Variants in MACROD2 observed in about 807,000 individuals in gnomAD.
The protein encoded by MACROD2 is ADP-ribose glycohydrolase MACROD2.
Under a neutral mutation model 70.4 loss-of-function variants are expected in MACROD2, and 36 were observed. The observed-to-expected ratio is 0.51, with a 90% CI of 0.39 to 0.68. The LOEUF (loss-of-function observed/expected upper bound fraction) is 0.68, where lower values mean the gene tolerates loss of function less well. Ranked by LOEUF, MACROD2 falls within the 30% of genes least tolerant of loss-of-function variation. MACROD2 has a pLI of 0.00. For missense variants in MACROD2, 496 were observed against 538.4 expected (o/e 0.92, Z 0.78); for synonymous variants, 172 against 178.8 (o/e 0.96, Z 0.30).
chr20:14,307,054 T>G (rs932571506), intron 3 of MACROD2, among the ~76,000 whole-genome samples: 2 of 150,196 alleles, frequency 1.3e-5, no homozygotes, highest in African/African-American at 4.9e-5. Flanking sequence ...CACAATTGAC[T>G]GTTGAGAAGA....
chr20:14,128,022 C>A, intron 3 of MACROD2: 1 of 553,970 alleles, frequency 1.8e-6, no homozygotes, highest in Non-Finnish European at 3.6e-6. Flanking sequence ...TGAACAGATG[C>A]AAAATCAGAT....
intron 5 of MACROD2, among the ~76,000 whole-genome samples, chr20:15,044,018 G>A (rs530382788): frequency 6.6e-6 from 1 of 152,104 alleles, no homozygotes; most frequent in Non-Finnish European, 1.5e-5. Flanking sequence ...ATTGTGTAGG[G>A]TTTTTATGGA....
chr20:15,669,502 T>A (rs2146833457), intron 8 of MACROD2, among the ~76,000 whole-genome samples: 2 of 152,302 alleles, frequency 1.3e-5, no homozygotes, highest in South Asian at 4.1e-4. Flanking sequence ...AGTAACCACA[T>A]CACTCCCCCC....
At position 14,900,907 on chromosome 20, in the gene MACROD2, A is replaced by G. The variant is rs1003091701; in HGVS notation, c.418+215948A>G. ...ATTTTCTTTGTGGATGTGCTCTGAA[A>G]TACTAGAAAATTGAAACCAATTCTA... On this transcript the variant is annotated intron_variant, in intron 5 of 17. Coordinates refer to ENST00000684519, the MANE Select transcript of MACROD2 (RefSeq NM_001351661.2). Among the ~76,000 whole-genome samples the G allele has an allele frequency of 3.9e-5, 6 of 151,956 alleles. No homozygotes were observed. In the East Asian group the frequency reaches 9.6e-4, roughly 24 times the overall value.
intron 2 of MACROD2, among the ~76,000 whole-genome samples, chr20:14,050,438 AT>A (rs1287356102): frequency 6.6e-6 from 1 of 152,204 alleles, no homozygotes; most frequent in Non-Finnish European, 1.5e-5. Flanking sequence ...GCTGCTTGAT[AT>A]GTTTTGCCCG....
At chr20:14,766,780 C>A (rs1283299151) in intron 5 of MACROD2, among the ~76,000 whole-genome samples, 1 of 152,198 alleles carries the variant, frequency 6.6e-6, no homozygotes, top group South Asian at 2.1e-4. Context: ...ATTTATCAGT[C>A]CAGGTAAGGA....
At chr20:15,064,550 C>T (rs1354614239) in intron 5 of MACROD2, among the ~76,000 whole-genome samples, 1 of 152,196 alleles carries the variant, frequency 6.6e-6, no homozygotes, top group Non-Finnish European at 1.5e-5. Context: ...ACTCTTCATT[C>T]ATTCAGGTAA....
At chr20:14,466,753 G>A (rs983065359) in intron 3 of MACROD2, among the ~76,000 whole-genome samples, 3 of 152,112 alleles carry the variant, frequency 2.0e-5, no homozygotes, top group African/African-American at 4.8e-5. Context: ...CCTTCTAACA[G>A]TCAGGACCCT....
At chr20:15,853,013 A>AAAT (rs1223570778) in intron 8 of MACROD2, among the ~76,000 whole-genome samples, 1 of 152,014 alleles carries the variant, frequency 6.6e-6, no homozygotes, top group Non-Finnish European at 1.5e-5. Context: ...TCTATCTCTA[A>AAAT]AATAATAATA....
At chr20:15,049,858 G>A (rs1273957492) in intron 5 of MACROD2, among the ~76,000 whole-genome samples, 1 of 151,580 alleles carries the variant, frequency 6.6e-6, no homozygotes, top group African/African-American at 2.4e-5. Context: ...AGAGGCAGGA[G>A]AATCGCTTGA....
In MACROD2 at chr20:15,616,183, G is replaced by A. The variant is rs188121496; in HGVS notation, c.645+116336G>A. Among the ~76,000 whole-genome samples, 11 of 144,190 alleles carry A rather than the reference G, an allele frequency of 7.6e-5. No individual in the cohort carries two copies. The East Asian group carries it at 1.1e-3, about 14-fold the overall frequency. 94.6% of individuals were successfully genotyped at this position (144,190 alleles called of 152,430 possible). A position where few individuals can be genotyped will look rare whatever the true frequency, so the allele number is the denominator to read the frequency against. ...CAGTGGTGTGATCTCGGCCCACTGCGCCCTCTGTCTCCTGGGTTCAAGTGA... is the reference window on the plus strand; with the variant it reads ...CAGTGGTGTGATCTCGGCCCACTGCACCCTCTGTCTCCTGGGTTCAAGTGA... On this transcript the variant is annotated intron_variant, in intron 8 of 17. Coordinates refer to ENST00000684519, the MANE Select transcript of MACROD2 (RefSeq NM_001351661.2).
chr20:15,586,907 T>C (rs2048610517), intron 8 of MACROD2, among the ~76,000 whole-genome samples: 1 of 152,132 alleles, frequency 6.6e-6, no homozygotes, highest in African/African-American at 2.4e-5. Context: ...ATAAAAAATC[T>C]TAAAAATATC....
intron 5 of MACROD2, among the ~76,000 whole-genome samples, chr20:15,195,769 A>G (rs868026934): frequency 6.6e-6 from 1 of 152,218 alleles, no homozygotes; most frequent in African/African-American, 2.4e-5. Flanking sequence ...TATTATAAAG[A>G]TGCATGCATG....
chr20:14,199,255 TGTACGTCG>T (rs2081459136), intron 3 of MACROD2, among the ~76,000 whole-genome samples: 1 of 152,258 alleles, frequency 6.6e-6, no homozygotes, highest in African/African-American at 2.4e-5. Flanking sequence ...TTGTCTTTGT[TGTACGTCG>T]GTGAGTGACA....
At chr20:15,743,803 C>T (rs535340997) in intron 8 of MACROD2, among the ~76,000 whole-genome samples, 87 of 152,316 alleles carry the variant, frequency 5.7e-4, no homozygotes, top group African/African-American at 2.0e-3. Context: ...ATCCACTCAG[C>T]ACAACTCACT....
chr20:15,871,194 T>A (rs201992180), intron 9 of MACROD2, among the ~76,000 whole-genome samples: 8,426 of 128,418 alleles, frequency 0.066, 456 homozygotes, highest in East Asian at 0.26. Flanking sequence ...AAAAAAAAAA[T>A]TATAAAATTA....
chr20:14,512,564 T>A (rs2068756), intron 4 of MACROD2, among the ~76,000 whole-genome samples: 24,243 of 152,122 alleles, frequency 0.16, 2,198 homozygotes, highest in Non-Finnish European at 0.2. Flanking sequence ...GAATGAGACC[T>A]CGCTGCCCAG....
chr20:14,233,665 C>T (rs1245930996), intron 3 of MACROD2, among the ~76,000 whole-genome samples: 1 of 143,356 alleles, frequency 7.0e-6, no homozygotes, highest in Non-Finnish European at 1.5e-5. Flanking sequence ...CCACTGCACT[C>T]CCGCCTGGGC....
intron 5 of MACROD2, among the ~76,000 whole-genome samples, chr20:15,222,100 C>T (rs935285204): frequency 6.6e-6 from 1 of 152,160 alleles, no homozygotes; most frequent in Non-Finnish European, 1.5e-5. Context: ...TTAAAAATAA[C>T]ATTGTGAATT....
Sources: allele counts gnomAD v4.1 joint callset (sites outside exome capture counted in the v4.1 genomes callset), GRCh38; gene constraint gnomAD v4.1.1; transcripts MANE v1.5; gene names NCBI Gene and HGNC (gene_info 2026-07-23, HGNC 2026-07-21).